The following C6orf52 variants were observed in gnomAD, a reference collection of about 807,000 sequenced individuals.
C6orf52 encodes putative uncharacterized protein C6orf52.
In C6orf52, 16 loss-of-function variants were observed where a neutral mutation model predicts 16.6. That is an observed-to-expected ratio of 0.96 (90% CI 0.65 to 1.46). C6orf52 has a LOEUF of 1.46. C6orf52 is among the 40% of genes most tolerant of loss of function. The pLI is 0.00. For synonymous variants in C6orf52, 53 were observed against 61.4 expected (o/e 0.86, Z 0.64); for missense variants, 166 against 182.3 (o/e 0.91, Z 0.52).
intron 4 of C6orf52, chr6:10,674,659 A>ATTT (rs1561865767): frequency 3.9e-5 from 5 of 129,056 alleles, no homozygotes; most frequent in African/African-American, 2.1e-4. Context: ...TTTTTTTTTA[A>ATTT]AAGACTAGTC....
At position 10,676,200 on chromosome 6, in the gene C6orf52, A is replaced by G. The variant is rs149959067; in HGVS notation, c.317-4602T>C. ...AAAACCATCTGTACCCCCAAAAACT[A>G]TTGAAATAAAAATTTTTTTAAATGT... On this transcript the variant is annotated intron_variant, in intron 4 of 4. Transcript: ENST00000259983. Among the ~76,000 whole-genome samples, 561 of 152,316 alleles carry G rather than the reference A, an allele frequency of 3.7e-3. 1 individual carries two copies. The highest frequency in any genetic ancestry group is 0.013 in the African/African-American group (525 of 41,568).
At chr6:10,681,510 C>T (rs1459093601) in intron 4 of C6orf52, among the ~76,000 whole-genome samples, 1 of 152,120 alleles carries the variant, frequency 6.6e-6, no homozygotes, top group Non-Finnish European at 1.5e-5. Flanking sequence ...CCTTGAGGTG[C>T]AACTGCATTA....
intron 1 of C6orf52, 22 bp from the exon 2 acceptor site, chr6:10,687,583 TC>T (rs746836958): frequency 2.6e-5 from 39 of 1,475,266 alleles, no homozygotes; most frequent in Admixed American, 6.0e-5. Context: ...GAGAGCAGAA[TC>T]CAGTTTTTAT....
chr6:10,692,540 A>C (rs942054764), intron 1 of C6orf52, among the ~76,000 whole-genome samples: 3 of 152,104 alleles, frequency 2.0e-5, no homozygotes, highest in East Asian at 3.9e-4. Context: ...TCCCTAATTC[A>C]AGCGATTCTC....
At chr6:10,679,737 C>A (rs2127464007) in intron 4 of C6orf52, among the ~76,000 whole-genome samples, 1 of 152,276 alleles carries the variant, frequency 6.6e-6, no homozygotes, top group South Asian at 2.1e-4. Flanking sequence ...TCTGGCTAGA[C>A]TTCTAATATT....
intron 4 of C6orf52, 120 bp from the exon 5 acceptor site, chr6:10,671,718 T>A (rs1177530260): frequency 5.4e-6 from 3 of 552,264 alleles, no homozygotes; most frequent in African/African-American, 2.0e-5. Flanking sequence ...ATAGTAAAGG[T>A]TAAAATTCTT....
chr6:10,678,215 A>G (rs1768062746), intron 4 of C6orf52, among the ~76,000 whole-genome samples: 3 of 147,692 alleles, frequency 2.0e-5, no homozygotes, highest in Admixed American at 2.0e-4. Flanking sequence ...AAAGACAGAG[A>G]GAGTGCATTG....
chr6:10,687,880 A>G (rs560156053), intron 1 of C6orf52, among the ~76,000 whole-genome samples: 1 of 152,248 alleles, frequency 6.6e-6, no homozygotes, highest in Admixed American at 6.5e-5. Context: ...AGGGGTAGGT[A>G]TGTTGGTCGA....
intron 4 of C6orf52, among the ~76,000 whole-genome samples, chr6:10,678,313 G>A (rs1422404820): frequency 6.6e-6 from 1 of 151,334 alleles, no homozygotes; most frequent in Non-Finnish European, 1.5e-5. Context: ...TGTGTCTTCA[G>A]TTTCTTCCAT....
At chr6:10,688,123 C>T (rs1338420332) in intron 1 of C6orf52, among the ~76,000 whole-genome samples, 1 of 145,994 alleles carries the variant, frequency 6.8e-6, no homozygotes, top group South Asian at 2.1e-4. Flanking sequence ...GCCCCCTTCC[C>T]TTCTCTCCTC....
chr6:10,679,985 G>A (rs1224587091), intron 4 of C6orf52, among the ~76,000 whole-genome samples: 1 of 152,224 alleles, frequency 6.6e-6, no homozygotes, highest in Non-Finnish European at 1.5e-5. Context: ...AAGCGCAGTT[G>A]CTCATGCCCG....
chr6:10,690,247 G>A (rs765659760), intron 1 of C6orf52, among the ~76,000 whole-genome samples: 4 of 152,146 alleles, frequency 2.6e-5, no homozygotes, highest in Non-Finnish European at 4.4e-5. Flanking sequence ...GCTCACAAGC[G>A]CTGTTTTGCT....
intron 3 of C6orf52, chr6:10,684,751 A>G: frequency 1.5e-6 from 1 of 653,596 alleles, no homozygotes; most frequent in Admixed American, 2.4e-5. Context: ...CATTGGGGGA[A>G]GCAGGGAATG....
Position 10,682,498 on chromosome 6 carries a change from C to T in C6orf52, c.316+689G>A, listed in dbSNP as rs963202551. ...CTACAAAGACTGATAACAACATGCT[C>T]CCTTCTTTGATAAAGTCATAAAGGC... On this transcript the variant is annotated intron_variant, in intron 4 of 4. Transcript: ENST00000259983. Among the ~76,000 whole-genome samples the T allele has an allele frequency of 2.0e-5, 3 of 152,114 alleles. No individual in the cohort carries two copies. In the East Asian group the frequency reaches 5.8e-4, roughly 29 times the overall value.
intron 3 of C6orf52, among the ~76,000 whole-genome samples, chr6:10,683,815 G>T (rs1581551618): frequency 6.6e-6 from 1 of 152,280 alleles, no homozygotes; most frequent in East Asian, 1.9e-4. Flanking sequence ...AGTAAATCTT[G>T]GTTGGTTAAC....
intron 4 of C6orf52, among the ~76,000 whole-genome samples, 178 bp from the exon 5 acceptor site, chr6:10,671,776 T>C (rs1431119525): frequency 6.6e-6 from 1 of 152,206 alleles, no homozygotes. Context: ...AAATTTAAGC[T>C]ATAAAAGTAG....
chr6:10,680,815 T>C (rs2127464720), intron 4 of C6orf52, among the ~76,000 whole-genome samples: 1 of 152,318 alleles, frequency 6.6e-6, no homozygotes, highest in South Asian at 2.1e-4. Context: ...GGAGACTTTT[T>C]TTTGAGACAG....
Position 10,683,180 on chromosome 6 carries a change from A to C in C6orf52, c.316+7T>G. On this transcript the variant is annotated splice_region_variant and intron_variant, in intron 4 of 4. Coordinates refer to ENST00000259983, the MANE Select transcript of C6orf52 (RefSeq NM_001145020.3). ...TTCCAACCACTTCAGCACAAGGTTT[A>C]TGTTACCTTCTAGTGGGTCTTCATC... is the stretch of plus-strand genomic sequence containing the variant. The C allele has an allele frequency of 6.5e-7, 1 of 1,538,508 alleles. No individual in the cohort carries two copies. The highest frequency in any genetic ancestry group is 8.8e-7 in the Non-Finnish European group (1 of 1,138,416).
intron 3 of C6orf52, among the ~76,000 whole-genome samples, chr6:10,686,698 A>C (rs185896730): frequency 1.8e-4 from 28 of 152,354 alleles, no homozygotes; most frequent in African/African-American, 5.5e-4. Flanking sequence ...AATTATCTGC[A>C]AGTGAACACT....
Sources: allele counts gnomAD v4.1 joint callset (sites outside exome capture counted in the v4.1 genomes callset), GRCh38; gene constraint gnomAD v4.1.1; transcripts MANE v1.5; gene names NCBI Gene and HGNC (gene_info 2026-07-23, HGNC 2026-07-21).